The following ABCB4 variants were observed in gnomAD, a reference collection of about 807,000 sequenced individuals.
ABCB4 encodes phosphatidylcholine translocator ABCB4.
In ABCB4, 76 loss-of-function variants were observed where a neutral mutation model predicts 145.7. That is an observed-to-expected ratio of 0.52 (90% CI 0.43 to 0.63). The LOEUF (loss-of-function observed/expected upper bound fraction) is 0.63. Among genes scored for constraint, ABCB4 ranks in the 30% least tolerant of loss-of-function variants. The probability of loss-of-function intolerance (pLI) is 0.00; values close to 1 mark genes in which losing one functional copy is unlikely to be tolerated. For synonymous variants in ABCB4, 517 were observed against 566.8 expected (o/e 0.91, Z 1.25); for missense variants, 1,234 against 1,553.1 (o/e 0.79, Z 3.45).
chr7:87,446,971 A>C, intron 9 of ABCB4, 63 bp downstream of exon 9: 1 of 1,452,296 alleles, frequency 6.9e-7, no homozygotes, highest in Non-Finnish European at 9.6e-7. Context: ...ATCAAAGAAA[A>C]GAGAAGGTAG....
chr7:87,371,521 A>G, the ABCB4 span, among the ~76,000 whole-genome samples: 1 of 152,232 alleles, frequency 6.6e-6, no homozygotes, highest in Non-Finnish European at 1.5e-5. Context: ...GTATTTGGAT[A>G]AAATATCTAT....
chr7:87,396,768 A>G (rs919648006), downstream of ABCB4, among the ~76,000 whole-genome samples: 1 of 152,172 alleles, frequency 6.6e-6, no homozygotes, highest in Admixed American at 6.5e-5. Context: ...GCATAAGACT[A>G]TAATTATATG....
intron 8 of ABCB4, 61 bp downstream of exon 8, chr7:87,449,907 G>C: frequency 1.2e-6 from 2 of 1,613,374 alleles, no homozygotes; most frequent in South Asian, 1.1e-5. Flanking sequence ...ATACCACAAA[G>C]AAGAAGCAAC....
the ABCB4 span, among the ~76,000 whole-genome samples, chr7:87,383,366 GTCTT>G: frequency 2.0e-5 from 3 of 151,778 alleles, no homozygotes; most frequent in Admixed American, 6.6e-5. Context: ...TGCAGTATTT[GTCTT>G]TCTATTTCTG....
intron 8 of ABCB4, among the ~76,000 whole-genome samples, chr7:87,449,231 G>T (rs45554032): frequency 0.21 from 32,080 of 151,926 alleles, 4,275 homozygotes; most frequent in African/African-American, 0.38. Flanking sequence ...TCATTGTTAT[G>T]GAGGACCCAC....
At chr7:87,421,074 C>T (rs1809382066) in intron 18 of ABCB4, among the ~76,000 whole-genome samples, 1 of 152,182 alleles carries the variant, frequency 6.6e-6, no homozygotes, top group Admixed American at 6.5e-5. Context: ...TCTTCCTTCC[C>T]CAGCCTCTTT....
chr7:87,452,403 T>C (rs1811803645), intron 6 of ABCB4: 1 of 163,510 alleles, frequency 6.1e-6, no homozygotes, highest in African/African-American at 2.4e-5. Flanking sequence ...TTTTTTGACT[T>C]ATTTGCTCAG....
intron 8 of ABCB4, among the ~76,000 whole-genome samples, chr7:87,447,891 T>C (rs945922397): frequency 6.6e-6 from 1 of 152,194 alleles, no homozygotes; most frequent in African/African-American, 2.4e-5. Flanking sequence ...AATTGTGAGG[T>C]TGGTAGATAA....
the ABCB4 span, chr7:87,391,572 T>C: frequency 1.3e-6 from 2 of 1,583,788 alleles, no homozygotes; most frequent in Non-Finnish European, 8.5e-7. Flanking sequence ...ATACACTCTT[T>C]TAATTTTTTC....
Position 87,417,389 on chromosome 7 carries a change from C to T in ABCB4, c.2605G>A (p.Val869Met). 1 of 1,614,086 alleles carries T rather than the reference C, an allele frequency of 6.2e-7. No individual in the cohort carries two copies. Among genetic ancestry groups the T allele is most frequent in the Non-Finnish European group, 8.5e-7 (1 of 1,179,994 alleles). The change falls in exon 21 of 28, where the codon GTG becomes ATG. Residue 869 changes from valine (V) to methionine (M), a missense_variant. This residue lies in a region of ABCB4 where 301 missense variants were observed against 389.0 expected (regional missense o/e 0.77). Coordinates refer to ENST00000649586, the MANE Select transcript of ABCB4 (RefSeq NM_000443.4). ...LLLAVVPIIA[V>M]SGIVEMKLLA... ...AATTTCATTTCAACAATTCCTGACA[C>T]AGCAATAATTGGAACAACTGCTAAT...
intron 3 of ABCB4, among the ~76,000 whole-genome samples, chr7:87,463,749 T>C (rs1487029898): frequency 6.6e-6 from 1 of 152,170 alleles, no homozygotes; most frequent in Non-Finnish European, 1.5e-5. Flanking sequence ...CCAAGAATCT[T>C]GGACACAGTA....
At chr7:87,452,145 G>T (rs1022196337) in intron 6 of ABCB4, among the ~76,000 whole-genome samples, 10 of 152,256 alleles carry the variant, frequency 6.6e-5, no homozygotes, top group African/African-American at 2.2e-4. Context: ...AAGTATTACT[G>T]CATTTCTTCT....
At chr7:87,417,241 G>C (rs1809041390) in intron 21 of ABCB4, 71 bp downstream of exon 21, 1 of 1,411,820 alleles carries the variant, frequency 7.1e-7, no homozygotes, top group African/African-American at 1.4e-5. Flanking sequence ...TGCATATCAT[G>C]ATAAATAATT....
intron 22 of ABCB4, 148 bp downstream of exon 22, chr7:87,413,469 T>C (rs1808762052): frequency 4.7e-6 from 3 of 642,606 alleles, no homozygotes; most frequent in South Asian, 3.6e-5. Context: ...AAAAAGCTAC[T>C]TATTTTCAGT....
At chr7:87,420,142 G>C in intron 18 of ABCB4, 67 bp from the exon 19 acceptor site, 1 of 1,471,782 alleles carries the variant, frequency 6.8e-7, no homozygotes, top group Non-Finnish European at 9.5e-7. Context: ...GACCAATCAT[G>C]TTCAACTTTT....
In ABCB4 at chr7:87,420,323, A is replaced by T. The variant is rs151231752; in HGVS notation, c.2317-248T>A. On this transcript the variant is annotated intron_variant, in intron 18 of 27. Coordinates refer to ENST00000649586, the MANE Select transcript of ABCB4 (RefSeq NM_000443.4). ...CAGACACCACATGGCAGGATGCAGG[A>T]TTCAATCAGATTGAGCTCTGACACC... is the stretch of plus-strand genomic sequence containing the variant. Among the ~76,000 whole-genome samples the T allele has an allele frequency of 6.4e-3, 976 of 152,272 alleles. 8 individuals are homozygous for T. The highest frequency in any genetic ancestry group is 0.031 in the Middle Eastern group (9 of 294).
chr7:87,453,592 C>T (rs896423222), intron 5 of ABCB4, among the ~76,000 whole-genome samples: 2 of 151,750 alleles, frequency 1.3e-5, no homozygotes, highest in Admixed American at 1.3e-4. Flanking sequence ...ACAGACATTA[C>T]ATTTTTCTTT....
In ABCB4 at chr7:87,426,769, T is replaced by C. The variant is rs761863713; in HGVS notation, c.2045A>G (p.Asp682Gly). Residue 682 changes from aspartate (D) to glycine (G), a missense_variant, in exon 16 of 28, where the codon GAT becomes GGT. This residue lies in a region of ABCB4 where 321 missense variants were observed against 332.6 expected (regional missense o/e 0.97). Coordinates refer to ENST00000649586, the MANE Select transcript of ABCB4 (RefSeq NM_000443.4). The part of the protein sequence containing the change: ...KNSQMCQKSL[D>G]VETDGLEANV... ...ACTTACAAGTCCATCGGTTTCCACA[T>C]CAAGGCTCTTCTGACACATTTGTGA... 1 of 1,613,922 alleles carries C rather than the reference T, an allele frequency of 6.2e-7. No individual in the cohort carries two copies. The highest frequency in any genetic ancestry group is 1.3e-5 in the African/African-American group (1 of 74,926).
At chr7:87,394,135 T>C in the ABCB4 span, among the ~76,000 whole-genome samples, 2 of 152,194 alleles carry the variant, frequency 1.3e-5, no homozygotes, top group African/African-American at 2.4e-5. Context: ...AGATGCAGTT[T>C]TCAATCATAA....
Sources: gnomAD v4.1 joint callset for allele counts (sites outside exome capture counted in the v4.1 genomes callset) on GRCh38, gnomAD v4.1.1 for gene constraint, gnomAD v4.1.1 regional missense constraint, MANE v1.5 for transcripts, NCBI Gene and HGNC (gene_info 2026-07-23, HGNC 2026-07-21) for gene names.